FRMD4A: variants seen among roughly 807,000 people sequenced by gnomAD.
The protein encoded by FRMD4A is FERM domain containing 4A.
In FRMD4A, 29 loss-of-function variants were observed where a neutral mutation model predicts 129.1. That is an observed-to-expected ratio of 0.22 (90% confidence interval 0.17 to 0.31). The LOEUF is 0.31. Ranked by LOEUF, FRMD4A falls within the 10% of genes least tolerant of loss-of-function variation. FRMD4A has a pLI of 1.00. For synonymous variants in FRMD4A, 634 were observed against 571.6 expected (o/e 1.11, Z -1.56); for missense variants, 1,272 against 1,375.8 (o/e 0.92, Z 1.19).
intron 2 of FRMD4A, chr10:14,008,516 G>T: frequency 1.0e-6 from 1 of 989,868 alleles, no homozygotes; most frequent in Non-Finnish European, 1.2e-6. Context: ...TGTCAACTTT[G>T]CTTCTCGTGG....
chr10:14,008,899 G>A (rs994277843), intron 2 of FRMD4A, among the ~76,000 whole-genome samples: 4 of 152,194 alleles, frequency 2.6e-5, no homozygotes, highest in Non-Finnish European at 1.5e-5. Flanking sequence ...TCCACAGAGA[G>A]AAAGTATGAG....
At chr10:13,679,474 T>TATATATATACACACACACACACACACAC (rs1308155926) in intron 15 of FRMD4A, among the ~76,000 whole-genome samples, 2 of 31,484 alleles carry the variant, frequency 6.4e-5, no homozygotes, top group African/African-American at 1.3e-4. Context: ...TATATATATA[T>TATATATATACACACACACACACACACAC]ACACACACAC....
chr10:13,693,655 G>T, intron 15 of FRMD4A: 2 of 645,428 alleles, frequency 3.1e-6, no homozygotes, highest in Non-Finnish European at 5.2e-6. Context: ...TGACCAGCAG[G>T]CCTTCTTGCA....
chr10:14,316,508 CAAAAAAA>C (rs760301974), intron 2 of FRMD4A, among the ~76,000 whole-genome samples: 2 of 109,948 alleles, frequency 1.8e-5, no homozygotes, highest in Admixed American at 9.6e-5. Context: ...GTGATAGCAG[CAAAAAAA>C]AAAAAAAAAA....
intron 2 of FRMD4A, among the ~76,000 whole-genome samples, chr10:13,995,774 T>C (rs768008600): frequency 1.3e-5 from 2 of 152,052 alleles, no homozygotes; most frequent in African/African-American, 2.4e-5. Flanking sequence ...CCATTCTACG[T>C]TGTTGATTTC....
chr10:14,156,930 A>C (rs1057463335), intron 2 of FRMD4A, among the ~76,000 whole-genome samples: 2 of 152,200 alleles, frequency 1.3e-5, no homozygotes. Flanking sequence ...ACTTGCCAGA[A>C]ATCTAGATAG....
rs117789406 is a variant in FRMD4A, at chr10:14,118,146, T to G, written c.45+211912A>C. On this transcript the variant is annotated intron_variant, in intron 2 of 24. Transcript: ENST00000357447. ...TAAACTCCAAACCTCCATATGAGTT[T>G]GACCAAACACCTACTAAACTCTAAT... is the stretch of plus-strand genomic sequence containing the variant. Among the ~76,000 whole-genome samples, 753 of 152,338 alleles carry G rather than the reference T, an allele frequency of 4.9e-3. 7 individuals are homozygous for G. The highest frequency in any genetic ancestry group is 0.036 in the East Asian group (188 of 5,178).
rs868821181 is a variant in FRMD4A at position 13,717,044 on chromosome 10, A to T, written c.760-9931T>A. ...GTTGAATGGCTGAAGCTGTCCAGTGATTTGGAATATCTGGGTCTAGCTTTG... is the reference window on the plus strand; with the variant it reads ...GTTGAATGGCTGAAGCTGTCCAGTGTTTTGGAATATCTGGGTCTAGCTTTG... On this transcript the variant is annotated intron_variant, in intron 12 of 24. Coordinates refer to ENST00000357447, the MANE Select transcript of FRMD4A (RefSeq NM_018027.5). Among the ~76,000 whole-genome samples the T allele has an allele frequency of 3.3e-5, 5 of 152,220 alleles. No individual in the cohort carries two copies. In the South Asian group the frequency reaches 1.0e-3, roughly 32 times the overall value.
At chr10:13,990,199 C>T (rs2447011) in intron 2 of FRMD4A, among the ~76,000 whole-genome samples, 77,331 of 152,068 alleles carry the variant, frequency 0.51, 21,712 homozygotes, top group East Asian at 0.93. Context: ...GAGGAGAAAA[C>T]AGCTGCATAG....
chr10:14,127,450 C>A (rs1031035820), intron 2 of FRMD4A, among the ~76,000 whole-genome samples: 1 of 152,106 alleles, frequency 6.6e-6, no homozygotes, highest in African/African-American at 2.4e-5. Context: ...TCTGGAGAAG[C>A]GAAAGATGGA....
intron 2 of FRMD4A, among the ~76,000 whole-genome samples, chr10:13,945,055 A>G (rs1176935038): frequency 1.3e-5 from 2 of 152,154 alleles, no homozygotes; most frequent in Admixed American, 1.3e-4. Flanking sequence ...TCCACCAGCA[A>G]CAGTACAATG....
At chr10:14,115,821 C>A (rs893062100) in intron 2 of FRMD4A, among the ~76,000 whole-genome samples, 1 of 152,170 alleles carries the variant, frequency 6.6e-6, no homozygotes, top group South Asian at 2.1e-4. Context: ...TCTGCAGAAC[C>A]AGAATAAGCC....
chr10:13,995,426 A>G (rs2131439957), intron 2 of FRMD4A, among the ~76,000 whole-genome samples: 1 of 152,316 alleles, frequency 6.6e-6, no homozygotes, highest in Middle Eastern at 3.4e-3. Context: ...CTCTACTAAA[A>G]ATACAAAAAT....
chr10:14,011,738 G>C (rs1259429900), intron 2 of FRMD4A, among the ~76,000 whole-genome samples: 1 of 152,158 alleles, frequency 6.6e-6, no homozygotes, highest in Admixed American at 6.5e-5. Context: ...GCGGGACACG[G>C]TGGCTCATGC....
At chr10:14,005,384 G>C (rs923185274) in intron 2 of FRMD4A, among the ~76,000 whole-genome samples, 2 of 152,144 alleles carry the variant, frequency 1.3e-5, no homozygotes, top group African/African-American at 4.8e-5. Context: ...TTGGCAGTCT[G>C]AAGAAGCATG....
intron 2 of FRMD4A, among the ~76,000 whole-genome samples, chr10:14,137,501 T>C (rs56248112): frequency 0.26 from 39,858 of 152,146 alleles, 6,245 homozygotes; most frequent in East Asian, 0.51. Flanking sequence ...CTGACTTGAA[T>C]GCTATCAGCA....
chr10:13,813,108 C>T (rs2093477024), intron 3 of FRMD4A, among the ~76,000 whole-genome samples: 1 of 152,222 alleles, frequency 6.6e-6, no homozygotes, highest in South Asian at 2.1e-4. Flanking sequence ...AAAGGCTTTG[C>T]TGGATCACTT....
intron 2 of FRMD4A, among the ~76,000 whole-genome samples, chr10:14,206,809 C>A (rs868287289): frequency 1.1e-3 from 46 of 43,032 alleles, no homozygotes; most frequent in South Asian, 6.1e-3. Context: ...GACGCTATCT[C>A]AAAAAAAAAA....
At chr10:14,001,358 G>T (rs1037916830) in intron 2 of FRMD4A, among the ~76,000 whole-genome samples, 4 of 152,192 alleles carry the variant, frequency 2.6e-5, no homozygotes, top group Non-Finnish European at 5.9e-5. Flanking sequence ...GCTATTCAAA[G>T]AAGAGAACCA....
Sources: gnomAD v4.1 joint callset for allele counts (sites outside exome capture counted in the v4.1 genomes callset) on GRCh38, gnomAD v4.1.1 for gene constraint, MANE v1.5 for transcripts, NCBI Gene and HGNC (gene_info 2026-07-23, HGNC 2026-07-21) for gene names.